Variants in NUFIP2 observed in about 807,000 individuals in gnomAD.
NUFIP2 encodes the protein FMR1-interacting protein NUFIP2.
NUFIP2 carries 6 observed loss-of-function variants against 56.9 expected under a neutral mutation model. The ratio of observed to expected loss-of-function variants is 0.11; its 90% CI spans 0.06 to 0.21. The LOEUF (loss-of-function observed/expected upper bound fraction) is 0.21, where lower values mean the gene tolerates loss of function less well. Ranked by LOEUF, NUFIP2 falls within the 10% of genes least tolerant of loss-of-function variation. The pLI, the probability that NUFIP2 is intolerant of heterozygous loss-of-function variation, is 1.00. For synonymous variants in NUFIP2, 321 were observed against 298.2 expected (o/e 1.08, Z -0.79); for missense variants, 828 against 826.8 (o/e 1.00, Z -0.02).
chr17:29,266,133 G>A (rs1157105930), intron 3 of NUFIP2, among the ~76,000 whole-genome samples: 1 of 152,132 alleles, frequency 6.6e-6, no homozygotes, highest in African/African-American at 2.4e-5. Context: ...CACCACGCCT[G>A]GCTAACTGTT....
intron 2 of NUFIP2, among the ~76,000 whole-genome samples, chr17:29,279,440 A>G (rs2069127240): frequency 6.6e-6 from 1 of 152,214 alleles, no homozygotes; most frequent in Non-Finnish European, 1.5e-5. Flanking sequence ...CAAGAAACTG[A>G]TCTTCTAGTC....
intron 2 of NUFIP2, among the ~76,000 whole-genome samples, chr17:29,270,440 C>T (rs868289755): frequency 6.0e-5 from 9 of 151,162 alleles, no homozygotes; most frequent in African/African-American, 2.2e-4. Flanking sequence ...GTTAAATGTT[C>T]TTTATTATCT....
At chr17:29,269,535 G>C (rs1390907112) in intron 2 of NUFIP2, among the ~76,000 whole-genome samples, 1 of 151,642 alleles carries the variant, frequency 6.6e-6, no homozygotes, top group Non-Finnish European at 1.5e-5. Context: ...GGGGGACAAG[G>C]TCTTGCTCTA....
At chr17:29,282,526 C>A (rs1188429291) in intron 2 of NUFIP2, among the ~76,000 whole-genome samples, 3 of 146,146 alleles carry the variant, frequency 2.1e-5, no homozygotes, top group South Asian at 2.2e-4. Flanking sequence ...CCAGCCTGGG[C>A]AACAGAGCAA....
chr17:29,273,971 G>A (rs1049837850), intron 2 of NUFIP2, among the ~76,000 whole-genome samples: 1 of 151,926 alleles, frequency 6.6e-6, no homozygotes, highest in Non-Finnish European at 1.5e-5. Flanking sequence ...CCAGCTCAGG[G>A]TATGAAAAAA....
chr17:29,275,082 G>C (rs957542960), intron 2 of NUFIP2, among the ~76,000 whole-genome samples: 45 of 151,556 alleles, frequency 3.0e-4, no homozygotes, highest in Non-Finnish European at 2.9e-5. Flanking sequence ...TGGAATGCTC[G>C]ATCTCGGCTC....
At chr17:29,271,171 G>A (rs1159391023) in intron 2 of NUFIP2, among the ~76,000 whole-genome samples, 1 of 152,142 alleles carries the variant, frequency 6.6e-6, no homozygotes, top group African/African-American at 2.4e-5. Flanking sequence ...CATGACTTCT[G>A]AGGGGGAAAT....
intron 3 of NUFIP2, among the ~76,000 whole-genome samples, chr17:29,265,612 T>A (rs2069030954): frequency 1.4e-5 from 2 of 147,468 alleles, no homozygotes; most frequent in Admixed American, 6.8e-5. Flanking sequence ...AGGGAACTGT[T>A]TTTATTATAT....
At position 29,287,081 on chromosome 17, in the gene NUFIP2, C is replaced by T; in HGVS notation, c.913G>A (p.Asp305Asn). ...AVGDMLRKSS[D>N]SKPGVSSKKF... ...TTGCTGCTCACACCAGGTTTACTAT[C>T]TGAGCTTTTCCGAAGCATATCACCC... Residue 305 changes from aspartate to asparagine, a missense_variant, in exon 2 of 4, where the codon GAT becomes AAT. Around this residue, in one of 3 missense-constraint regions of NUFIP2, gnomAD observed 415 missense variants for 408.7 expected, o/e 1.02. Transcript: ENST00000225388. 6.2e-7 allele frequency: 1 copy of T among 1,614,202 alleles called. No homozygotes were observed. Among genetic ancestry groups the T allele is most frequent in the Non-Finnish European group, 8.5e-7 (1 of 1,180,036 alleles).
chr17:29,273,033 T>TACAC (rs1491384409), intron 2 of NUFIP2, among the ~76,000 whole-genome samples: 2 of 92,636 alleles, frequency 2.2e-5, no homozygotes, highest in East Asian at 8.8e-4. Context: ...TATATATATA[T>TACAC]ACACACACAC....
chr17:29,270,124 A>C (rs1221469571), intron 2 of NUFIP2, among the ~76,000 whole-genome samples: 1 of 152,168 alleles, frequency 6.6e-6, no homozygotes, highest in African/African-American at 2.4e-5. Flanking sequence ...TGAATAAGAT[A>C]ATTATCCAGA....
At chr17:29,281,992 G>A (rs1598433975) in intron 2 of NUFIP2, among the ~76,000 whole-genome samples, 1 of 151,650 alleles carries the variant, frequency 6.6e-6, no homozygotes, top group Admixed American at 6.6e-5. Context: ...TCGATCTCCT[G>A]ACCTCGTGAT....
intron 2 of NUFIP2, among the ~76,000 whole-genome samples, chr17:29,282,222 T>C (rs1251905276): frequency 6.6e-6 from 1 of 152,110 alleles, no homozygotes; most frequent in South Asian, 2.1e-4. Flanking sequence ...GCTGCCGCCA[T>C]GCACTTGGAC....
intron 1 of NUFIP2, among the ~76,000 whole-genome samples, chr17:29,293,092 A>T (rs1259777627): frequency 6.6e-6 from 1 of 150,908 alleles, no homozygotes; most frequent in Non-Finnish European, 1.5e-5. Flanking sequence ...AGGAGGAGAG[A>T]ACATTCCAGC....
chr17:29,269,822 G>A (rs957411621), intron 2 of NUFIP2, among the ~76,000 whole-genome samples: 5 of 152,018 alleles, frequency 3.3e-5, no homozygotes, highest in African/African-American at 4.8e-5. Flanking sequence ...CCGGGTTCAC[G>A]CCATTCTCTT....
At position 29,263,108 on chromosome 17, in the gene NUFIP2, CTGTG is replaced by C. The variant is rs987455021; in HGVS notation, c.*1427_*1430del. 1 of 152,544 alleles carries C rather than the reference CTGTG, an allele frequency of 6.6e-6. No homozygotes were observed. Among genetic ancestry groups the C allele is most frequent in the Admixed American group, 6.6e-5 (1 of 15,264 alleles). The allele number at this position is 152,544 out of a possible 1,614,324, so 9.4% of individuals were successfully genotyped here. A position where few individuals can be genotyped will look rare whatever the true frequency, so the allele number is the denominator to read the frequency against. ...TTGACATACATGGATATACTAATTT[CTGTG>C]TGTGTGATGTGATGCTGTGTCAGGC... On this transcript the variant is annotated 3_prime_UTR_variant, in exon 4 of 4. Transcript: ENST00000225388.
intron 2 of NUFIP2, among the ~76,000 whole-genome samples, chr17:29,278,604 AGTAATAG>A (rs1192362882): frequency 7.7e-4 from 16 of 20,838 alleles, no homozygotes; most frequent in Non-Finnish European, 1.2e-3. Flanking sequence ...CTACTATGAT[AGTAATAG>A]CTTGGAATGA....
At chr17:29,267,935 G>T (rs111781083) in intron 2 of NUFIP2, among the ~76,000 whole-genome samples, 1,683 of 138,642 alleles carry the variant, frequency 0.012, 9 homozygotes, top group Middle Eastern at 0.031. Flanking sequence ...GTTTCGCTCT[G>T]TTACCCAGGC....
intron 2 of NUFIP2, among the ~76,000 whole-genome samples, chr17:29,284,245 G>A (rs543422774): frequency 9.9e-5 from 15 of 152,266 alleles, no homozygotes; most frequent in Admixed American, 8.5e-4. Context: ...GTTAGAGAAA[G>A]GAGGAAGAGG....
Sources: allele counts gnomAD v4.1 joint callset (sites outside exome capture counted in the v4.1 genomes callset), GRCh38; gene constraint gnomAD v4.1.1; regional missense constraint gnomAD v4.1.1; transcripts MANE v1.5; gene names NCBI Gene and HGNC (gene_info 2026-07-23, HGNC 2026-07-21).